PLBD1: variants seen among roughly 807,000 people sequenced by gnomAD.
PLBD1 encodes phospholipase B domain containing 1.
A neutral mutation model predicts 63.0 loss-of-function variants in PLBD1; 60 were observed. That is an observed-to-expected ratio of 0.95 (90% CI 0.77 to 1.18). The LOEUF (loss-of-function observed/expected upper bound fraction) is 1.18, where lower values mean the gene tolerates loss of function less well. Among genes scored for constraint, PLBD1 ranks in the 50% most tolerant of loss-of-function variants. The probability of loss-of-function intolerance (pLI) is 0.00; values close to 1 mark genes in which losing one functional copy is unlikely to be tolerated. For synonymous variants in PLBD1, 262 were observed against 248.0 expected (o/e 1.06, Z -0.53); for missense variants, 598 against 677.9 (o/e 0.88, Z 1.31).
At chr12:14,559,878 A>C (rs1435640559) in intron 1 of PLBD1, among the ~76,000 whole-genome samples, 2 of 145,020 alleles carry the variant, frequency 1.4e-5, no homozygotes, top group Non-Finnish European at 3.0e-5. Context: ...TTTTTTTTTG[A>C]GACAGAGTTT....
chr12:14,545,249 C>T (rs866060893), intron 2 of PLBD1, among the ~76,000 whole-genome samples: 1 of 152,232 alleles, frequency 6.6e-6, no homozygotes, highest in Non-Finnish European at 1.5e-5. Context: ...ATCACCAACA[C>T]TATTTTGTGG....
Position 14,553,282 on chromosome 12 carries a change from C to G in PLBD1, c.246G>C (p.Leu82=). 6.2e-7 allele frequency: 1 copy of G among 1,614,138 alleles called. No individual in the cohort carries two copies. Among genetic ancestry groups the G allele is most frequent in the Non-Finnish European group, 8.5e-7 (1 of 1,180,016 alleles). The change falls in exon 2 of 11, where the codon CTG becomes CTC. Residue 82 remains leucine, a synonymous_variant. Transcript: ENST00000240617. ...GAGAGCCATAGCCAGCTCTGATCTC[C>G]AGGATGCCCCAGCCTGTGGTTTTCA... The part of the protein sequence containing the change: ...NSVKTTGWGI[L]EIRAGYGSQT...
At chr12:14,557,127 T>C (rs1303446987) in intron 1 of PLBD1, among the ~76,000 whole-genome samples, 2 of 150,720 alleles carry the variant, frequency 1.3e-5, no homozygotes, top group Non-Finnish European at 3.0e-5. Context: ...GAAATACCAC[T>C]CCACATGAGT....
At chr12:14,526,811 A>G (rs1368798545) in intron 6 of PLBD1, among the ~76,000 whole-genome samples, 1 of 152,066 alleles carries the variant, frequency 6.6e-6, no homozygotes, top group Non-Finnish European at 1.5e-5. Context: ...CATCTCTACT[A>G]AAAATACAAA....
In PLBD1 at chr12:14,567,629, AGC is replaced by A; in HGVS notation, c.66_67del (p.Leu23AlafsTer28). On this transcript the variant is annotated frameshift_variant, in exon 1 of 11. Coordinates refer to ENST00000240617, the MANE Select transcript of PLBD1 (RefSeq NM_024829.6). LOFTEE classifies it high-confidence loss of function. ...GGTGACTAACAACAGCGGCAGCAGC[AGC>A]AGCAGCAGCAGAAGCGGTGGCGGCT... The A allele has an allele frequency of 7.4e-6, 11 of 1,492,988 alleles. No homozygotes were observed. The highest frequency in any genetic ancestry group is 2.2e-5 in the Admixed American group (1 of 45,478). The allele number at this position is 1,492,988 out of a possible 1,614,324, so 92.5% of individuals were successfully genotyped here.
chr12:14,545,988 C>T (rs1228843133), intron 2 of PLBD1, among the ~76,000 whole-genome samples: 1 of 152,064 alleles, frequency 6.6e-6, no homozygotes, highest in East Asian at 1.9e-4. Context: ...GTGTGGGTGA[C>T]AAGAAAGGGA....
intron 6 of PLBD1, among the ~76,000 whole-genome samples, chr12:14,516,278 G>A (rs1472598914): frequency 6.6e-6 from 1 of 152,120 alleles, no homozygotes; most frequent in Admixed American, 6.5e-5. Flanking sequence ...GCAGTGAGCC[G>A]AGATCGCGCC....
chr12:14,547,105 C>G (rs1945621850), intron 2 of PLBD1, among the ~76,000 whole-genome samples: 1 of 151,984 alleles, frequency 6.6e-6, no homozygotes, highest in Non-Finnish European at 1.5e-5. Context: ...GTTTTGAACT[C>G]CCGACCTCAG....
chr12:14,506,973 C>T lies in PLBD1; in HGVS notation c.1332G>A (p.Val444=), dbSNP rs1379473779. ...TATATTTCATGGATGCCGTATCAGT[C>T]ACTTTCCCTTGGTCACGCCGGAAAA... ...AKIFRRDQGK[V]TDTASMKYIM... Residue 444 remains valine, a synonymous_variant, in exon 9 of 11, where the codon GTG becomes GTA. Coordinates refer to ENST00000240617, the MANE Select transcript of PLBD1 (RefSeq NM_024829.6). 6.2e-7 allele frequency: 1 copy of T among 1,614,112 alleles called. No individual in the cohort carries two copies. Among genetic ancestry groups the T allele is most frequent in the Non-Finnish European group, 8.5e-7 (1 of 1,179,986 alleles).
intron 1 of PLBD1, among the ~76,000 whole-genome samples, chr12:14,554,879 CTTA>C (rs1387454749): frequency 6.6e-6 from 1 of 152,144 alleles, no homozygotes; most frequent in Non-Finnish European, 1.5e-5. Context: ...CCACAGCACA[CTTA>C]ATAACACAAT....
chr12:14,540,677 C>T, intron 4 of PLBD1, 87 bp downstream of exon 4: 7 of 1,324,264 alleles, frequency 5.3e-6, no homozygotes, highest in South Asian at 2.1e-5. Flanking sequence ...CTTTGACCTG[C>T]TTCTAAATTG....
At position 14,553,242 on chromosome 12, in the gene PLBD1, C is replaced by G. The variant is rs1945673953; in HGVS notation, c.286G>C (p.Glu96Gln). 6.2e-7 allele frequency: 1 copy of G among 1,614,072 alleles called. No homozygotes were observed. The highest frequency in any genetic ancestry group is 1.3e-5 in the African/African-American group (1 of 75,022). ...AGYGSQTLSN[E>Q]IIMFVAGFLE... ...AAGCCAGCCACAAACATGATGATCT[C>G]ATTGCTCAGGGTTTGAGAGCCATAG... Residue 96 changes from glutamate (E) to glutamine (Q), a missense_variant, in exon 2 of 11, where the codon GAG (glutamate) becomes CAG (glutamine). Physicochemically the swap from Glu to Gln is conservative, Grantham distance 29. Transcript: ENST00000240617.
chr12:14,540,831 T>G lies in PLBD1; in HGVS notation c.491A>C (p.Tyr164Ser). The G allele has an allele frequency of 6.2e-7, 1 of 1,611,590 alleles. No homozygotes were observed. The highest frequency in any genetic ancestry group is 8.5e-7 in the Non-Finnish European group (1 of 1,178,240). The change falls in exon 4 of 11, where the codon TAT becomes TCT. Residue 164 changes from tyrosine to serine, a missense_variant. Physicochemically the swap from Tyr to Ser is moderately radical, Grantham distance 144 (BLOSUM62 -2). Transcript: ENST00000240617. ...KTDSFWRHTG[Y>S]VMAQIDGLYV... The stretch of plus-strand genomic sequence containing the variant: ...GAGGCCATCTATTTGTGCCATCACA[T>G]AGCCTGTATGTCTCCAAAATGAATC...
intron 9 of PLBD1, 43 bp downstream of exon 9, chr12:14,506,885 GAAGAA>G (rs1357674845): frequency 1.3e-6 from 2 of 1,541,100 alleles, no homozygotes; most frequent in Admixed American, 3.4e-5. Flanking sequence ...TATCCATAGG[GAAGAA>G]AAGGAGTTTT....
intron 6 of PLBD1, among the ~76,000 whole-genome samples, chr12:14,527,068 C>T (rs1945422106): frequency 6.6e-6 from 1 of 152,136 alleles, no homozygotes; most frequent in South Asian, 2.1e-4. Context: ...AGGTTTAGAA[C>T]ATATATATAT....
chr12:14,551,798 A>G (rs2136930458), intron 2 of PLBD1, among the ~76,000 whole-genome samples: 1 of 152,264 alleles, frequency 6.6e-6, no homozygotes, highest in South Asian at 2.1e-4. Context: ...GTTTCTTCAA[A>G]CTCACGACTC....
Position 14,553,182 on chromosome 12 carries a change from G to T in PLBD1, c.335+11C>A. On this transcript the variant is annotated intron_variant, in intron 2 of 10. Coordinates refer to ENST00000240617, the MANE Select transcript of PLBD1 (RefSeq NM_024829.6). ...GCCTGGCAGTGGCTCTACCATGACT[G>T]GGATACTTACGGGGCAGTGAGGTAA... is the stretch of plus-strand genomic sequence containing the variant. 6.3e-7 allele frequency: 1 copy of T among 1,599,916 alleles called. No homozygotes were observed. The highest frequency in any genetic ancestry group is 1.1e-5 in the South Asian group (1 of 89,642).
intron 6 of PLBD1, among the ~76,000 whole-genome samples, chr12:14,527,980 T>C (rs1034612998): frequency 1.3e-5 from 2 of 151,734 alleles, no homozygotes; most frequent in Non-Finnish European, 2.9e-5. Flanking sequence ...AGGGTCAATA[T>C]AGTAGGAATA....
At chr12:14,547,324 C>A (rs767870181) in intron 2 of PLBD1, among the ~76,000 whole-genome samples, 1 of 152,066 alleles carries the variant, frequency 6.6e-6, no homozygotes, top group Non-Finnish European at 1.5e-5. Flanking sequence ...CACACAGGGG[C>A]TCCAAGGAAT....
Sources: allele counts gnomAD v4.1 joint callset (sites outside exome capture counted in the v4.1 genomes callset), GRCh38; gene constraint gnomAD v4.1.1; transcripts MANE v1.5; gene names NCBI Gene and HGNC (gene_info 2026-07-23, HGNC 2026-07-21).